Variants in ARMC2 observed in about 807,000 individuals in gnomAD.
ARMC2 encodes armadillo repeat-containing protein 2.
ARMC2 carries 67 observed loss-of-function variants against 90.3 expected under a neutral mutation model. That is an observed-to-expected ratio of 0.74 (90% CI 0.61 to 0.91). ARMC2 has a LOEUF of 0.91. Ranked by LOEUF, ARMC2 falls within the 40% of genes least tolerant of loss-of-function variation. ARMC2 has a pLI of 0.00. For synonymous variants in ARMC2, 393 were observed against 393.0 expected (o/e 1.00, Z 0.00); for missense variants, 920 against 1,030.9 (o/e 0.89, Z 1.47).
chr6:108,922,310 A>G (rs1774658917), intron 10 of ARMC2, among the ~76,000 whole-genome samples: 1 of 151,526 alleles, frequency 6.6e-6, no homozygotes, highest in South Asian at 2.1e-4. Context: ...TGTGTCACTC[A>G]GGTTGGAGTG....
At chr6:108,852,927 T>TA (rs1176078738) in intron 1 of ARMC2, among the ~76,000 whole-genome samples, 1 of 152,158 alleles carries the variant, frequency 6.6e-6, no homozygotes, top group African/African-American at 2.4e-5. Context: ...TATGTAGATA[T>TA]AAAAAATTGT....
chr6:109,004,173 A>G, the ARMC2 span, among the ~76,000 whole-genome samples: 1 of 152,334 alleles, frequency 6.6e-6, no homozygotes, highest in South Asian at 2.1e-4. Flanking sequence ...ATGAAAACTT[A>G]GAAAAAAAGC....
At chr6:108,934,071 AG>A (rs1775783409) in intron 11 of ARMC2, among the ~76,000 whole-genome samples, 1 of 152,144 alleles carries the variant, frequency 6.6e-6, no homozygotes, top group Admixed American at 6.6e-5. Flanking sequence ...CATGTTGTCC[AG>A]GCAGGTCTCA....
intron 11 of ARMC2, among the ~76,000 whole-genome samples, chr6:108,936,677 T>G (rs148435415): frequency 2.0e-5 from 3 of 152,350 alleles, no homozygotes; most frequent in Admixed American, 6.5e-5. Flanking sequence ...AGTGTACACC[T>G]ACATGTAAGT....
At chr6:109,006,208 CAA>C in the ARMC2 span, among the ~76,000 whole-genome samples, 1 of 152,100 alleles carries the variant, frequency 6.6e-6, no homozygotes, top group Non-Finnish European at 1.5e-5. Context: ...ATGAAAAAGT[CAA>C]GAGTCTTAGA....
chr6:108,854,622 G>T, intron 2 of ARMC2, 137 bp downstream of exon 2: 1 of 816,620 alleles, frequency 1.2e-6, no homozygotes, highest in Non-Finnish European at 1.9e-6. Context: ...AAAATTGAGT[G>T]GAAGGTACAG....
At chr6:108,987,613 A>C in the ARMC2 span, 3 of 1,592,628 alleles carry the variant, frequency 1.9e-6, no homozygotes, top group Admixed American at 5.0e-5. Flanking sequence ...CTTCTATAAG[A>C]AGCAGATTAA....
downstream of ARMC2, among the ~76,000 whole-genome samples, chr6:108,974,754 C>T (rs1451041043): frequency 6.6e-6 from 1 of 152,012 alleles, no homozygotes; most frequent in Non-Finnish European, 1.5e-5. Context: ...GCAGGCATCC[C>T]AGACTGAATG....
intron 11 of ARMC2, among the ~76,000 whole-genome samples, chr6:108,934,815 ATC>A (rs1284771080): frequency 2.0e-5 from 3 of 152,002 alleles, no homozygotes; most frequent in Admixed American, 1.3e-4. Context: ...TATTATTCTA[ATC>A]TCTGTTTTAT....
intron 8 of ARMC2, among the ~76,000 whole-genome samples, chr6:108,910,163 G>T (rs557367109): frequency 6.6e-6 from 1 of 152,032 alleles, no homozygotes; most frequent in African/African-American, 2.4e-5. Context: ...ACTAATAATC[G>T]CATATATAAA....
At chr6:108,974,735 G>A (rs1416050161), downstream of ARMC2, among the ~76,000 whole-genome samples, 1 of 152,004 alleles carries the variant, frequency 6.6e-6, no homozygotes, top group Non-Finnish European at 1.5e-5. Flanking sequence ...CAAGACTCAT[G>A]GGATGAGAGC....
chr6:109,036,859 C>T, the ARMC2 span, among the ~76,000 whole-genome samples: 1 of 152,156 alleles, frequency 6.6e-6, no homozygotes. Context: ...AAAATAATTA[C>T]AGTAAAATAA....
intron 7 of ARMC2, among the ~76,000 whole-genome samples, chr6:108,903,845 T>C (rs1346197284): frequency 6.6e-6 from 1 of 152,184 alleles, no homozygotes; most frequent in Non-Finnish European, 1.5e-5. Context: ...AGTAGAGCTA[T>C]GCAAAAAAGA....
Position 108,882,811 on chromosome 6 carries a change from G to A in ARMC2, c.671+6461G>A, listed in dbSNP as rs144577682. On this transcript the variant is annotated intron_variant, in intron 5 of 17. Transcript: ENST00000392644. ...TGTCAGACACTTTTCTAAGTCCTTT[G>A]CGTATATTAAGTCATTTAATATTCA... Among the ~76,000 whole-genome samples the A allele has an allele frequency of 4.2e-3, 638 of 152,246 alleles. 3 individuals carry two copies. The highest frequency in any genetic ancestry group is 0.014 in the African/African-American group (598 of 41,536).
chr6:109,028,695 A>T, the ARMC2 span, among the ~76,000 whole-genome samples: 1 of 152,240 alleles, frequency 6.6e-6, no homozygotes, highest in Non-Finnish European at 1.5e-5. Flanking sequence ...ACTGGGCAAC[A>T]CATACCATAG....
At chr6:108,961,815 C>A in intron 14 of ARMC2, 121 bp downstream of exon 14, 1 of 1,240,022 alleles carries the variant, frequency 8.1e-7, no homozygotes, top group Non-Finnish European at 1.1e-6. Flanking sequence ...TGTCTTAGAG[C>A]CTGATGATTC....
chr6:108,922,349 T>C (rs1167721992), intron 10 of ARMC2, among the ~76,000 whole-genome samples: 1 of 151,960 alleles, frequency 6.6e-6, no homozygotes, highest in Admixed American at 6.6e-5. Context: ...CATGGCTCAC[T>C]GCAGCCTCAG....
chr6:108,960,104 T>A (rs1777882084), intron 13 of ARMC2, among the ~76,000 whole-genome samples: 1 of 152,176 alleles, frequency 6.6e-6, no homozygotes, highest in South Asian at 2.1e-4. Flanking sequence ...CAGAAGCACC[T>A]CAGCATATCT....
chr6:109,017,350 A>G, the ARMC2 span, among the ~76,000 whole-genome samples: 2 of 152,096 alleles, frequency 1.3e-5, no homozygotes, highest in African/African-American at 4.8e-5. Context: ...CAGTGGTGCA[A>G]TCTTGGCTCA....
Sources: allele counts gnomAD v4.1 joint callset (sites outside exome capture counted in the v4.1 genomes callset), GRCh38; gene constraint gnomAD v4.1.1; transcripts MANE v1.5; gene names NCBI Gene and HGNC (gene_info 2026-07-23, HGNC 2026-07-21).